TRIM9: variants seen among roughly 807,000 people sequenced by gnomAD.
TRIM9 encodes E3 ubiquitin-protein ligase TRIM9.
Under a neutral mutation model 78.3 loss-of-function variants are expected in TRIM9, and 26 were observed. The observed-to-expected ratio is 0.33, with a 90% CI of 0.24 to 0.46. The LOEUF is 0.46. Among genes scored for constraint, TRIM9 ranks in the 20% least tolerant of loss-of-function variants. The probability of loss-of-function intolerance (pLI) is 1.00; values close to 1 mark genes in which losing one functional copy is unlikely to be tolerated. For missense variants in TRIM9, 787 were observed against 1,036.4 expected (o/e 0.76, Z 3.30); for synonymous variants, 398 against 416.5 (o/e 0.96, Z 0.54).
At chr14:51,034,730 C>G (rs1016929651) in intron 1 of TRIM9, among the ~76,000 whole-genome samples, 22 of 152,190 alleles carry the variant, frequency 1.4e-4, no homozygotes, top group African/African-American at 5.3e-4. Flanking sequence ...GAGACCTATA[C>G]AGTGACTTAC....
In TRIM9 at chr14:50,979,934, G is replaced by A. The variant is rs149624891; in HGVS notation, c.2163-385C>T. Among the ~76,000 whole-genome samples, 46 of 152,272 alleles carry A rather than the reference G, an allele frequency of 3.0e-4. 3 individuals are homozygous for A. The highest frequency in any genetic ancestry group is 1.6e-3 in the Admixed American group (24 of 15,302). On this transcript the variant is annotated intron_variant, in intron 11 of 12. Transcript: ENST00000684578. ...AAACATTAAAGACTAGGAAAAAGTC[G>A]CCTTTGGGCTATCAGAGCTCTGACT...
chr14:51,021,922 C>T (rs1390799460), intron 3 of TRIM9, among the ~76,000 whole-genome samples: 1 of 152,184 alleles, frequency 6.6e-6, no homozygotes, highest in Non-Finnish European at 1.5e-5. Context: ...GTAAAGTTCA[C>T]TTGAGAAGTT....
intron 1 of TRIM9, among the ~76,000 whole-genome samples, chr14:51,075,004 C>T (rs2062633841): frequency 6.6e-6 from 1 of 152,206 alleles, no homozygotes; most frequent in Admixed American, 6.6e-5. Flanking sequence ...AGGCAGCGGA[C>T]ATTTTTATCC....
At chr14:50,979,750 T>G (rs1435326268) in intron 11 of TRIM9, among the ~76,000 whole-genome samples, 2 of 152,166 alleles carry the variant, frequency 1.3e-5, no homozygotes, top group African/African-American at 4.8e-5. Context: ...TATATCTGTG[T>G]TTTATACATA....
At chr14:50,981,418 C>T (rs2051879120) in intron 11 of TRIM9, among the ~76,000 whole-genome samples, 1 of 152,118 alleles carries the variant, frequency 6.6e-6, no homozygotes, top group Admixed American at 6.5e-5. Flanking sequence ...TTTTATTGTA[C>T]TAATTTGATG....
chr14:50,977,342 G>A lies in TRIM9; in HGVS notation c.2337C>T (p.His779=), dbSNP rs1031211248. Reference sequence around the variant, plus strand: ...AGAAGTCGGGGACTGGGAGCCCGGTGTGCAGCGTGACCTGGGGAATGAGAC... The same window carrying A: ...AGAAGTCGGGGACTGGGAGCCCGGTATGCAGCGTGACCTGGGGAATGAGAC... ...SLNRNVQVTL[H]TGLPVPDFYS... is the part of the protein sequence containing the mutation. The change falls in exon 13 of 13, where the codon CAC becomes CAT. Residue 779 remains histidine (H), a synonymous_variant. Coordinates refer to ENST00000684578, the MANE Select transcript of TRIM9 (RefSeq NM_001387360.1). The A allele has an allele frequency of 3.2e-6, 5 of 1,548,984 alleles. No individual in the cohort carries two copies. Among genetic ancestry groups the A allele is most frequent in the Middle Eastern group, 1.7e-4 (1 of 5,834 alleles).
intron 5 of TRIM9, among the ~76,000 whole-genome samples, chr14:51,002,881 A>C (rs931879203): frequency 6.6e-6 from 1 of 152,234 alleles, no homozygotes; most frequent in Non-Finnish European, 1.5e-5. Context: ...AACTGCAGGC[A>C]ATTGGTTTAG....
Position 51,040,940 on chromosome 14 carries a change from T to C in TRIM9, c.823-15580A>G, listed in dbSNP as rs545742408. On this transcript the variant is annotated intron_variant, in intron 1 of 12. Transcript: ENST00000684578. ...GAGAAACTCTCTGAGAGATCTCAAATAGCTTCTATAATAGATTTAGGTTTT... is the reference window on the plus strand; with the variant it reads ...GAGAAACTCTCTGAGAGATCTCAAACAGCTTCTATAATAGATTTAGGTTTT... 2.6e-5 allele frequency among the ~76,000 whole-genome samples: 4 copies of C among 152,368 alleles called. No homozygotes were observed. The East Asian group carries it at 7.7e-4, about 29-fold the overall frequency.
chr14:51,020,729 C>T (rs934425027), intron 3 of TRIM9, among the ~76,000 whole-genome samples: 3 of 152,256 alleles, frequency 2.0e-5, no homozygotes, highest in Non-Finnish European at 4.4e-5. Flanking sequence ...AGAGGCAACA[C>T]TAAGCAGGAG....
intron 1 of TRIM9, among the ~76,000 whole-genome samples, chr14:51,080,322 T>C (rs944910368): frequency 6.6e-6 from 1 of 151,960 alleles, no homozygotes; most frequent in African/African-American, 2.4e-5. Flanking sequence ...ACAATGTTAA[T>C]GTAAACTTTG....
intron 1 of TRIM9, among the ~76,000 whole-genome samples, chr14:51,082,919 C>CTTTA (rs1175603829): frequency 6.6e-6 from 1 of 152,140 alleles, no homozygotes; most frequent in Non-Finnish European, 1.5e-5. Context: ...GAGTCTGGCT[C>CTTTA]TTTAAGGGGA....
chr14:51,068,103 G>C (rs1020271957), intron 1 of TRIM9, among the ~76,000 whole-genome samples: 3 of 152,128 alleles, frequency 2.0e-5, no homozygotes, highest in African/African-American at 7.2e-5. Flanking sequence ...CTGATTCATA[G>C]GTCTGGAGTG....
rs1197065318 is a variant in TRIM9, at chr14:50,977,264, G to A, written c.*27C>T. 2 of 1,451,630 alleles carry A rather than the reference G, an allele frequency of 1.4e-6. No individual in the cohort carries two copies. The highest frequency in any genetic ancestry group is 1.5e-5 in the South Asian group (1 of 66,208). The allele number at this position is 1,451,630 out of a possible 1,614,324, so 89.9% of individuals were successfully genotyped here. Reference sequence around the variant, plus strand: ...GCTCTCGCAGGCGGAGGTAAGAACAGGCAGCTGGCGCCTCCACGGCACATC... The same window carrying A: ...GCTCTCGCAGGCGGAGGTAAGAACAAGCAGCTGGCGCCTCCACGGCACATC... On this transcript the variant is annotated 3_prime_UTR_variant, in exon 13 of 13. Transcript: ENST00000684578.
chr14:51,052,512 C>A (rs1596273797), intron 1 of TRIM9, among the ~76,000 whole-genome samples: 1 of 152,120 alleles, frequency 6.6e-6, no homozygotes, highest in East Asian at 1.9e-4. Context: ...TATGTTTAAT[C>A]CCTATGGATT....
intron 3 of TRIM9, among the ~76,000 whole-genome samples, chr14:51,018,581 G>T (rs74802818): frequency 0.031 from 4,737 of 152,246 alleles, 130 homozygotes; most frequent in African/African-American, 0.055. Context: ...ATGGTGAAAA[G>T]AATGATAATT....
intron 1 of TRIM9, among the ~76,000 whole-genome samples, chr14:51,053,923 T>C (rs1056166467): frequency 6.6e-6 from 1 of 152,188 alleles, no homozygotes; most frequent in African/African-American, 2.4e-5. Flanking sequence ...TCTACAATGG[T>C]TTTGCTGTCT....
chr14:51,086,164 T>C (rs1172811503), intron 1 of TRIM9, among the ~76,000 whole-genome samples: 2 of 152,350 alleles, frequency 1.3e-5, no homozygotes, highest in Non-Finnish European at 2.9e-5. Flanking sequence ...AACTGTGCTT[T>C]ATAGGTATGC....
At chr14:51,011,176 T>A (rs1480996662) in intron 3 of TRIM9, among the ~76,000 whole-genome samples, 2 of 152,228 alleles carry the variant, frequency 1.3e-5, no homozygotes, top group Non-Finnish European at 2.9e-5. Flanking sequence ...TAAAGGCTGC[T>A]CATTTGCCAA....
At chr14:51,023,031 C>T (rs941923946) in intron 2 of TRIM9, 74 bp from the exon 3 acceptor site, 6 of 1,590,910 alleles carry the variant, frequency 3.8e-6, no homozygotes, top group South Asian at 3.4e-5. Flanking sequence ...AGAGCTCCCC[C>T]ATCCTGCTGA....
Sources: allele counts gnomAD v4.1 joint callset (sites outside exome capture counted in the v4.1 genomes callset), GRCh38; gene constraint gnomAD v4.1.1; transcripts MANE v1.5; gene names NCBI Gene and HGNC (gene_info 2026-07-23, HGNC 2026-07-21).